The following MTUS2 variants were observed in gnomAD, a reference collection of about 807,000 sequenced individuals.
MTUS2 encodes the protein microtubule-associated tumor suppressor candidate 2.
A neutral mutation model predicts 114.1 loss-of-function variants in MTUS2; 40 were observed. The observed-to-expected ratio is 0.35, with a 90% CI of 0.27 to 0.46. MTUS2 has a LOEUF of 0.46. MTUS2 is among the 20% of genes least tolerant of loss of function. The pLI is 1.00. For missense variants in MTUS2, 1,679 were observed against 1,705.4 expected, an observed-to-expected ratio of 0.98 and a Z score of 0.27; for synonymous variants, 688 against 672.0, an observed-to-expected ratio of 1.02 and a Z score of -0.37.
chr13:29,428,832 A>C, intron 8 of MTUS2: 1 of 1,613,922 alleles, frequency 6.2e-7, no homozygotes, highest in Non-Finnish European at 8.5e-7. Flanking sequence ...CTTGCCAGCC[A>C]GCCTGCCGGG....
intron 6 of MTUS2, among the ~76,000 whole-genome samples, chr13:29,291,759 T>A (rs1898725881): frequency 4.6e-5 from 7 of 152,152 alleles, no homozygotes; most frequent in Admixed American, 4.6e-4. Context: ...CCAGCTCAGA[T>A]AGGAGGCCAC....
intron 6 of MTUS2, among the ~76,000 whole-genome samples, chr13:29,305,315 G>GA (rs1415687978): frequency 2.0e-5 from 3 of 150,944 alleles, no homozygotes; most frequent in African/African-American, 4.9e-5. Context: ...ACACAGACAT[G>GA]AAAAAACCTG....
chr13:28,972,608 A>G (rs1002727174), intron 2 of MTUS2, among the ~76,000 whole-genome samples: 15 of 152,218 alleles, frequency 9.9e-5, no homozygotes, highest in African/African-American at 3.4e-4. Context: ...GGCCCAAGGT[A>G]CAGTAAAACC....
At chr13:29,041,693 C>T (rs548378317) in intron 4 of MTUS2, among the ~76,000 whole-genome samples, 1 of 151,868 alleles carries the variant, frequency 6.6e-6, no homozygotes, top group South Asian at 2.1e-4. Flanking sequence ...CCTGAATGTT[C>T]TGTTGTGTTT....
intron 6 of MTUS2, chr13:29,307,342 G>A (rs1055704674): frequency 1.8e-5 from 13 of 714,192 alleles, no homozygotes; most frequent in Admixed American, 3.9e-5. Flanking sequence ...GAAGACTGTG[G>A]ATGGACCATC....
At chr13:29,104,401 A>G (rs962200728) in intron 5 of MTUS2, among the ~76,000 whole-genome samples, 1 of 151,680 alleles carries the variant, frequency 6.6e-6, no homozygotes, top group Non-Finnish European at 1.5e-5. Flanking sequence ...CATGATTTGA[A>G]TATATTTTCT....
At chr13:29,376,735 G>A (rs1871778949) in intron 8 of MTUS2, among the ~76,000 whole-genome samples, 1 of 152,076 alleles carries the variant, frequency 6.6e-6, no homozygotes, top group African/African-American at 2.4e-5. Context: ...ATGTTATATA[G>A]TACACAAAGC....
At chr13:29,122,323 G>C (rs150176433) in intron 5 of MTUS2, among the ~76,000 whole-genome samples, 2,959 of 152,254 alleles carry the variant, frequency 0.019, 105 homozygotes, top group African/African-American at 0.067. Flanking sequence ...ATAAAGGAAA[G>C]AGGTTTAATT....
At chr13:28,878,285 A>G (rs995192133) in intron 2 of MTUS2, among the ~76,000 whole-genome samples, 1 of 150,932 alleles carries the variant, frequency 6.6e-6, no homozygotes, top group African/African-American at 2.4e-5. Context: ...ATGTGTGTGT[A>G]TGTGTGTACA....
intron 5 of MTUS2, among the ~76,000 whole-genome samples, chr13:29,270,803 C>T (rs1453865832): frequency 6.6e-6 from 1 of 152,186 alleles, no homozygotes; most frequent in Non-Finnish European, 1.5e-5. Flanking sequence ...TTGAAGCTGG[C>T]ACGGCCCTCT....
chr13:29,106,695 C>T (rs1321866899), intron 5 of MTUS2, among the ~76,000 whole-genome samples: 1 of 152,144 alleles, frequency 6.6e-6, no homozygotes, highest in East Asian at 1.9e-4. Flanking sequence ...GTTCACTCAT[C>T]ATTTCTGGTG....
Position 29,498,414 on chromosome 13 carries a change from G to T in MTUS2, c.3679-4G>T. The T allele has an allele frequency of 6.2e-7, 1 of 1,614,096 alleles. No individual in the cohort carries two copies. Among genetic ancestry groups the T allele is most frequent in the Non-Finnish European group, 8.5e-7 (1 of 1,179,980 alleles). On this transcript the variant is annotated splice_polypyrimidine_tract_variant and splice_region_variant and intron_variant, in intron 13 of 15. Transcript: ENST00000612955. ...CAACAGCTCATGGCTCTCTGCCTCT[G>T]TAGATTGCATTGGCTCCTTATCAGC...
chr13:28,825,911 TC>T (rs1230077048), intron 1 of MTUS2, among the ~76,000 whole-genome samples: 1 of 152,170 alleles, frequency 6.6e-6, no homozygotes, highest in African/African-American at 2.4e-5. Context: ...AGTCTGGTGT[TC>T]CTGACTCTTC....
At chr13:28,829,691 C>T (rs1233319867) in intron 1 of MTUS2, among the ~76,000 whole-genome samples, 1 of 152,228 alleles carries the variant, frequency 6.6e-6, no homozygotes. Flanking sequence ...TTGCAGAGCC[C>T]TGTGGCATTT....
intron 8 of MTUS2, among the ~76,000 whole-genome samples, chr13:29,367,936 C>G (rs866717974): frequency 8.3e-6 from 1 of 120,518 alleles, no homozygotes; most frequent in Non-Finnish European, 1.7e-5. Context: ...CTCCTAGAAT[C>G]TACTTCTTTT....
At chr13:29,257,839 TATAGTAGTGGATCC>T (rs1338503646) in intron 5 of MTUS2, among the ~76,000 whole-genome samples, 1 of 152,178 alleles carries the variant, frequency 6.6e-6, no homozygotes, top group Non-Finnish European at 1.5e-5. Context: ...CCACCTAGCA[TATAGTAGTGGATCC>T]ATGTGCTTTC....
chr13:29,038,794 C>T lies in MTUS2; in HGVS notation c.2446+4669C>T, dbSNP rs888842109. ...TGGTTACAGCCACTTTGGGGTGCTG[C>T]GGTGGGCTCCGCCCAGCTCGAACTT... On this transcript the variant is annotated intron_variant, in intron 4 of 15. Transcript: ENST00000612955. Among the ~76,000 whole-genome samples, 27 of 152,354 alleles carry T rather than the reference C, an allele frequency of 1.8e-4. 1 individual carries two copies. The highest frequency in any genetic ancestry group is 4.8e-4 in the African/African-American group (20 of 41,584).
chr13:28,906,089 TTGG>T (rs1227211536), intron 2 of MTUS2, among the ~76,000 whole-genome samples: 1 of 151,628 alleles, frequency 6.6e-6, no homozygotes, highest in East Asian at 1.9e-4. Context: ...TTCTGTGGGA[TTGG>T]TGGTGATATC....
At chr13:29,151,337 G>T (rs1210614774) in intron 5 of MTUS2, among the ~76,000 whole-genome samples, 1 of 152,060 alleles carries the variant, frequency 6.6e-6, no homozygotes, top group Non-Finnish European at 1.5e-5. Flanking sequence ...TTGGCTCTCA[G>T]CTCAAATGTT....
Sources: allele counts gnomAD v4.1 joint callset (sites outside exome capture counted in the v4.1 genomes callset), GRCh38; gene constraint gnomAD v4.1.1; transcripts MANE v1.5; gene names NCBI Gene and HGNC (gene_info 2026-07-23, HGNC 2026-07-21).